Variants in CLSTN2 observed in about 807,000 individuals in gnomAD.
CLSTN2 encodes calsyntenin 2, also known as calsyntenin-2.
Under a neutral mutation model 101.2 loss-of-function variants are expected in CLSTN2, and 48 were observed. That is an observed-to-expected ratio of 0.47 (90% CI 0.38 to 0.60). The LOEUF (loss-of-function observed/expected upper bound fraction) is 0.60, where lower values mean the gene tolerates loss of function less well. Ranked by LOEUF, CLSTN2 falls within the 20% of genes least tolerant of loss-of-function variation. The pLI is 0.00. For missense variants in CLSTN2, 1,160 were observed against 1,238.2 expected (o/e 0.94, Z 0.95); for synonymous variants, 481 against 463.6 (o/e 1.04, Z -0.48).
intron 2 of CLSTN2, among the ~76,000 whole-genome samples, chr3:140,357,649 C>T (rs77036015): frequency 0.02 from 2,976 of 152,016 alleles, 65 homozygotes; most frequent in African/African-American, 0.052. Context: ...GAAAAGAGGC[C>T]GCCAGGAAAG....
intron 2 of CLSTN2, among the ~76,000 whole-genome samples, chr3:140,312,404 ATC>A (rs1242698319): frequency 2.6e-5 from 4 of 152,218 alleles, no homozygotes; most frequent in Non-Finnish European, 5.9e-5. Context: ...CATCTGAGGA[ATC>A]TTTTTTCTCT....
At chr3:140,310,644 T>C (rs1431433234) in intron 2 of CLSTN2, among the ~76,000 whole-genome samples, 4 of 152,200 alleles carry the variant, frequency 2.6e-5, no homozygotes, top group Non-Finnish European at 5.9e-5. Context: ...AGACCTAAGC[T>C]AGGGTCATCT....
At chr3:140,469,579 G>A (rs1933786703) in intron 8 of CLSTN2, among the ~76,000 whole-genome samples, 1 of 152,146 alleles carries the variant, frequency 6.6e-6, no homozygotes, top group African/African-American at 2.4e-5. Context: ...TCTCTTCTCT[G>A]CTCCCCAGTC....
intron 2 of CLSTN2, among the ~76,000 whole-genome samples, chr3:140,299,333 A>G (rs968093565): frequency 3.9e-5 from 6 of 152,196 alleles, no homozygotes; most frequent in African/African-American, 1.2e-4. Context: ...ATCCTTAGCC[A>G]AAAAAGATAT....
intron 5 of CLSTN2, among the ~76,000 whole-genome samples, chr3:140,427,244 T>TACATATATATATATATATATATATAC (rs2088582496): frequency 1.6e-5 from 2 of 127,564 alleles, no homozygotes; most frequent in African/African-American, 6.9e-5. Context: ...TATATATATA[T>TACATATATATATATATATATATATAC]ACATATATAT....
chr3:140,532,404 T>C lies in CLSTN2; in HGVS notation c.1425T>C (p.Tyr475=), dbSNP rs748279900. The C allele has an allele frequency of 6.2e-7, 1 of 1,613,982 alleles. No homozygotes were observed. Among genetic ancestry groups the C allele is most frequent in the Non-Finnish European group, 8.5e-7 (1 of 1,179,862 alleles). The change falls in exon 9 of 17, where the codon TAT becomes TAC. Residue 475 remains tyrosine, a synonymous_variant. Coordinates refer to ENST00000458420, the MANE Select transcript of CLSTN2 (RefSeq NM_022131.3). ...VVTLYMDGAT[Y]EPYLVTNDWP... ...CCTTATACATGGATGGAGCAACATA[T>C]GAACCATACCTGGTGACCAACGACT...
At chr3:140,467,419 C>T (rs1933734542) in intron 8 of CLSTN2, among the ~76,000 whole-genome samples, 1 of 152,086 alleles carries the variant, frequency 6.6e-6, no homozygotes, top group Admixed American at 6.6e-5. Flanking sequence ...TAGAGTTGGC[C>T]TTTGCTTAAA....
At chr3:140,371,432 C>T (rs1431888556) in intron 2 of CLSTN2, among the ~76,000 whole-genome samples, 1 of 152,204 alleles carries the variant, frequency 6.6e-6, no homozygotes, top group Non-Finnish European at 1.5e-5. Context: ...CATGTTGTTA[C>T]AGTAGCCCTC....
chr3:140,391,366 C>T (rs1400756761), intron 2 of CLSTN2, among the ~76,000 whole-genome samples: 1 of 1,882 alleles, frequency 5.3e-4, no homozygotes, highest in Admixed American at 7.6e-3. Flanking sequence ...TCACTATTTG[C>T]GTGGGGGGGT....
At chr3:140,073,701 A>G (rs1230574373) in intron 1 of CLSTN2, among the ~76,000 whole-genome samples, 1 of 152,202 alleles carries the variant, frequency 6.6e-6, no homozygotes, top group Non-Finnish European at 1.5e-5. Context: ...TGTTAAATAG[A>G]TGTTGGCAGA....
intron 2 of CLSTN2, among the ~76,000 whole-genome samples, chr3:140,204,783 G>C (rs1197489192): frequency 6.6e-6 from 1 of 152,162 alleles, no homozygotes; most frequent in Non-Finnish European, 1.5e-5. Flanking sequence ...CATTGCCTAG[G>C]GTCTTATTCC....
intron 8 of CLSTN2, among the ~76,000 whole-genome samples, chr3:140,525,036 A>G (rs1387753449): frequency 1.3e-5 from 2 of 152,212 alleles, no homozygotes; most frequent in Admixed American, 6.5e-5. Flanking sequence ...ACCTAGAGGA[A>G]GAAGGGGAGA....
rs970201471 is a variant in CLSTN2 at position 140,570,760 on chromosome 3, C to G, written c.*4507C>G. ...AACCTTCCTCAGCCCACAGGCCATA[C>G]GAAAATTAGCAGCCAGCTAGATTTG... On this transcript the variant is annotated 3_prime_UTR_variant, in exon 17 of 17. Coordinates refer to ENST00000458420, the MANE Select transcript of CLSTN2 (RefSeq NM_022131.3). 1 of 152,144 alleles carries G rather than the reference C, an allele frequency of 6.6e-6. No homozygotes were observed. The highest frequency in any genetic ancestry group is 1.5e-5 in the Non-Finnish European group (1 of 68,026). The allele number at this position is 152,144 out of a possible 1,614,324, so 9.4% of individuals were successfully genotyped here.
At chr3:140,214,368 C>T (rs1331173810) in intron 2 of CLSTN2, among the ~76,000 whole-genome samples, 10 of 151,996 alleles carry the variant, frequency 6.6e-5, no homozygotes, top group South Asian at 6.2e-4. Context: ...GCAGGAAAAT[C>T]GCTTAAACCT....
intron 1 of CLSTN2, among the ~76,000 whole-genome samples, chr3:139,991,595 G>A (rs1013496669): frequency 3.3e-5 from 5 of 152,190 alleles, no homozygotes; most frequent in African/African-American, 7.2e-5. Flanking sequence ...GGCTGCTACC[G>A]AGTTGCTGAA....
Position 140,566,286 on chromosome 3 carries a change from C to T in CLSTN2, c.*33C>T, listed in dbSNP as rs1936026638. Reference sequence around the variant, plus strand: ...GGGTCTGCTGCCTGGCCCACATGTCCCTTTTGTAAACCCTGACCCAGTGTA... The same window carrying T: ...GGGTCTGCTGCCTGGCCCACATGTCTCTTTTGTAAACCCTGACCCAGTGTA... On this transcript the variant is annotated 3_prime_UTR_variant, in exon 17 of 17. Transcript: ENST00000458420. 4.5e-6 allele frequency: 7 copies of T among 1,544,804 alleles called. No individual in the cohort carries two copies. The African/African-American group carries it at 6.8e-5, about 15-fold the overall frequency.
chr3:140,546,186 C>G (rs1935580403), intron 9 of CLSTN2, among the ~76,000 whole-genome samples: 1 of 152,232 alleles, frequency 6.6e-6, no homozygotes, highest in Non-Finnish European at 1.5e-5. Context: ...TGGCACAAGG[C>G]AGGCCTGAAG....
chr3:140,513,280 C>T (rs1934849094), intron 8 of CLSTN2, among the ~76,000 whole-genome samples: 3 of 152,030 alleles, frequency 2.0e-5, no homozygotes, highest in Admixed American at 6.5e-5. Flanking sequence ...TAGGTATGTC[C>T]CTTCAATACC....
At chr3:140,178,124 G>T (rs1204512731) in intron 2 of CLSTN2, among the ~76,000 whole-genome samples, 1 of 152,180 alleles carries the variant, frequency 6.6e-6, no homozygotes, top group East Asian at 1.9e-4. Context: ...GTGTCTGATT[G>T]TATGTCTGCC....
Sources: allele counts gnomAD v4.1 joint callset (sites outside exome capture counted in the v4.1 genomes callset), GRCh38; gene constraint gnomAD v4.1.1; transcripts MANE v1.5; gene names NCBI Gene and HGNC (gene_info 2026-07-23, HGNC 2026-07-21).